Variants in TREML1 observed in about 807,000 individuals in gnomAD.
The protein encoded by TREML1 is trem-like transcript 1 protein.
TREML1 carries 27 observed loss-of-function variants against 22.8 expected under a neutral mutation model. That is an observed-to-expected ratio of 1.19 (90% CI 0.87 to 1.64). TREML1 has a LOEUF of 1.64. Ranked by LOEUF, TREML1 falls within the 40% of genes most tolerant of loss-of-function variation. The probability of loss-of-function intolerance (pLI) is 0.00; values close to 1 mark genes in which losing one functional copy is unlikely to be tolerated. For synonymous variants in TREML1, 153 were observed against 161.9 expected (o/e 0.94, Z 0.42); for missense variants, 356 against 382.0 (o/e 0.93, Z 0.57).
intron 4 of TREML1, among the ~76,000 whole-genome samples, chr6:41,150,522 C>T (rs894383440): frequency 6.6e-6 from 1 of 152,118 alleles, no homozygotes; most frequent in Non-Finnish European, 1.5e-5. Context: ...CCCTTCAACC[C>T]ACCTCAGCGC....
chr6:41,149,267 CAG>C (rs1376735282), downstream of TREML1: 1 of 233,406 alleles, frequency 4.3e-6, no homozygotes, highest in Non-Finnish European at 8.4e-6. Flanking sequence ...AAATTTAGAC[CAG>C]AGTCTTTTCC....
intron 2 of TREML1, among the ~76,000 whole-genome samples, chr6:41,152,563 A>T (rs1257755932): frequency 2.6e-5 from 4 of 152,060 alleles, no homozygotes; most frequent in Non-Finnish European, 5.9e-5. Context: ...CTACCCTCTT[A>T]TTTAGAGGGA....
At chr6:41,151,505 C>T in intron 2 of TREML1, 121 bp from the exon 3 acceptor site, 1 of 821,388 alleles carries the variant, frequency 1.2e-6, no homozygotes, top group Non-Finnish European at 2.0e-6. Flanking sequence ...AAGGAGAGGA[C>T]CCCAGGAAGA....
intron 5 of TREML1, 143 bp downstream of exon 5, chr6:41,150,118 C>A: frequency 9.6e-7 from 1 of 1,045,690 alleles, no homozygotes. Flanking sequence ...CCATTAGTGT[C>A]AAGTTTACAG....
chr6:41,153,119 C>T (rs999234260), intron 2 of TREML1, among the ~76,000 whole-genome samples: 2 of 149,824 alleles, frequency 1.3e-5, no homozygotes, highest in African/African-American at 4.9e-5. Context: ...TGCTTATATA[C>T]TAGAAAAGTT....
Position 41,149,857 on chromosome 6 carries a change from T to A in TREML1, c.683A>T (p.Asp228Val). 6.2e-7 allele frequency: 1 copy of A among 1,614,052 alleles called. No homozygotes were observed. ...TGAGTCAAGCCTAATGTGTGGTACA[T>A]CCAAAGGCAATTCAGCAGCCGGTCC... is the stretch of plus-strand genomic sequence containing the variant. ...DSGPAAELPL[D>V]VPHIRLDSPP... Residue 228 changes from aspartate to valine, a missense_variant, in exon 6 of 6, where the codon GAT becomes GTT. Asp to Val is a radical substitution (Grantham distance 152). Transcript: ENST00000426005.
chr6:41,152,966 G>GA (rs1388150007), intron 2 of TREML1, among the ~76,000 whole-genome samples: 1 of 151,546 alleles, frequency 6.6e-6, no homozygotes, highest in African/African-American at 2.4e-5. Context: ...ACCTAAAGGT[G>GA]AAAAAATGGC....
rs1410041464 is a variant in TREML1 at position 41,149,403 on chromosome 6, G to T, written c.*201C>A. 1.6e-5 allele frequency: 9 copies of T among 565,594 alleles called. No individual in the cohort carries two copies. Among genetic ancestry groups the T allele is most frequent in the Non-Finnish European group, 2.5e-5 (8 of 320,850 alleles). 35.0% of individuals were successfully genotyped at this position (565,594 alleles called of 1,614,324 possible). ...TGTAATGGTAGAAGAACCAGTGGGGGAGTTGGGTGCAGGGAGGTCTTCCCC... is the reference window on the plus strand; with the variant it reads ...TGTAATGGTAGAAGAACCAGTGGGGTAGTTGGGTGCAGGGAGGTCTTCCCC... On this transcript the variant is annotated 3_prime_UTR_variant, in exon 6 of 6. Transcript: ENST00000426005.
At chr6:41,150,016 T>C (rs2113865443) in intron 5 of TREML1, 98 bp from the exon 6 acceptor site, 1 of 1,252,252 alleles carries the variant, frequency 8.0e-7, no homozygotes, top group South Asian at 1.4e-5. Flanking sequence ...TCTTGAATCC[T>C]GAGTATATCA....
intron 2 of TREML1, among the ~76,000 whole-genome samples, chr6:41,152,069 T>C (rs2113868336): frequency 6.6e-6 from 1 of 152,332 alleles, no homozygotes; most frequent in Middle Eastern, 3.4e-3. Flanking sequence ...GAGACTTGTC[T>C]TAGGAACCTG....
intron 2 of TREML1, among the ~76,000 whole-genome samples, chr6:41,151,851 C>A (rs1214620799): frequency 6.6e-6 from 1 of 152,202 alleles, no homozygotes; most frequent in Non-Finnish European, 1.5e-5. Flanking sequence ...TCCTCACATA[C>A]CTGTGACCCT....
rs558729849 is a variant in TREML1, at chr6:41,151,144, C to T, written c.479+138G>A. 4 of 780,820 alleles carry T rather than the reference C, an allele frequency of 5.1e-6. No homozygotes were observed. In the South Asian group the frequency reaches 6.4e-5, roughly 12 times the overall value. The allele number at this position is 780,820 out of a possible 1,614,324, so 48.4% of individuals were successfully genotyped here. On this transcript the variant is annotated intron_variant, in intron 3 of 5. Coordinates refer to ENST00000426005, the MANE Select transcript of TREML1 (RefSeq NM_178174.4). ...CCAGGACAGAGAAGTATGTATCTGTCTGTCTGTCTGTCCAGAAGTTCCCCA... is the reference window on the plus strand; with the variant it reads ...CCAGGACAGAGAAGTATGTATCTGTTTGTCTGTCTGTCCAGAAGTTCCCCA...
At chr6:41,154,798 G>T (rs1765378749), upstream of TREML1, among the ~76,000 whole-genome samples, 1 of 152,152 alleles carries the variant, frequency 6.6e-6, no homozygotes, top group Admixed American at 6.5e-5. Context: ...CTGTGCCCTG[G>T]ACTGGGTCTT....
chr6:41,154,942 A>G (rs182560938), upstream of TREML1, among the ~76,000 whole-genome samples: 136 of 152,176 alleles, frequency 8.9e-4, no homozygotes, highest in Non-Finnish European at 1.7e-3. Context: ...GCAATTCCTT[A>G]ACTAGTTGGT....
chr6:41,151,279 T>C lies in TREML1; in HGVS notation c.479+3A>G. 2 of 1,613,772 alleles carry C rather than the reference T, an allele frequency of 1.2e-6. No individual in the cohort carries two copies. The highest frequency in any genetic ancestry group is 2.2e-5 in the South Asian group (2 of 91,066). ...GGCCTCCCAAATCCAATCCTGTCAG[T>C]ACCTCTTCTCATCCTGGCTGGGTTC... On this transcript the variant is annotated splice_donor_region_variant and intron_variant, in intron 3 of 5. Coordinates refer to ENST00000426005, the MANE Select transcript of TREML1 (RefSeq NM_178174.4).
At chr6:41,150,713 C>A (rs1765222268) in intron 4 of TREML1, 106 bp downstream of exon 4, 1 of 1,042,184 alleles carries the variant, frequency 9.6e-7, no homozygotes, top group South Asian at 1.4e-5. Flanking sequence ...TAAGCCCAGG[C>A]AAATCCATTT....
upstream of TREML1, among the ~76,000 whole-genome samples, chr6:41,155,266 G>A (rs1165730227): frequency 6.6e-6 from 1 of 152,110 alleles, no homozygotes; most frequent in Non-Finnish European, 1.5e-5. Context: ...TATTGGCCAA[G>A]TTTTGCTGAA....
chr6:41,150,456 C>A, intron 4 of TREML1, 143 bp from the exon 5 acceptor site: 1 of 747,236 alleles, frequency 1.3e-6, no homozygotes, highest in East Asian at 2.7e-5. Flanking sequence ...ACCTTTACCC[C>A]TTCCATCTCC....
chr6:41,153,050 T>C (rs1765309612), intron 2 of TREML1, among the ~76,000 whole-genome samples: 2 of 151,306 alleles, frequency 1.3e-5, no homozygotes, highest in Non-Finnish European at 2.9e-5. Flanking sequence ...TAGAACATCC[T>C]ATCTTTCTTA....
Sources: gnomAD v4.1 joint callset for allele counts (sites outside exome capture counted in the v4.1 genomes callset) on GRCh38, gnomAD v4.1.1 for gene constraint, MANE v1.5 for transcripts, NCBI Gene and HGNC (gene_info 2026-07-23, HGNC 2026-07-21) for gene names.